Variants in ADGRL4 observed in about 807,000 individuals in gnomAD.
ADGRL4 encodes the protein EGF, latrophilin and seven transmembrane domain containing 1.
Under a neutral mutation model 74.8 loss-of-function variants are expected in ADGRL4, and 90 were observed. The ratio of observed to expected loss-of-function variants is 1.20; its 90% CI spans 1.02 to 1.43. The LOEUF (loss-of-function observed/expected upper bound fraction) is 1.43, where lower values mean the gene tolerates loss of function less well. Among genes scored for constraint, ADGRL4 ranks in the 40% most tolerant of loss-of-function variants. ADGRL4 has a pLI of 0.00. For synonymous variants in ADGRL4, 311 were observed against 279.2 expected, an observed-to-expected ratio of 1.11 and a Z score of -1.14; for missense variants, 881 against 814.3, an observed-to-expected ratio of 1.08 and a Z score of -1.00.
chr1:78,945,647 A>T (rs1308436334), intron 3 of ADGRL4, among the ~76,000 whole-genome samples: 1 of 152,078 alleles, frequency 6.6e-6, no homozygotes, highest in African/African-American at 2.4e-5. Context: ...TTGTCTAGGT[A>T]CTCCCTTCAG....
At chr1:78,953,713 T>C (rs977258725) in intron 2 of ADGRL4, among the ~76,000 whole-genome samples, 5 of 152,232 alleles carry the variant, frequency 3.3e-5, no homozygotes, top group Admixed American at 3.3e-4. Context: ...TAGGGGAAGA[T>C]TAGATGGAGA....
intron 7 of ADGRL4, among the ~76,000 whole-genome samples, chr1:78,931,462 A>C (rs1329306434): frequency 2.0e-5 from 3 of 151,426 alleles, no homozygotes; most frequent in Non-Finnish European, 2.9e-5. Flanking sequence ...AACTGGTTCC[A>C]GACACTGCAA....
intron 12 of ADGRL4, among the ~76,000 whole-genome samples, chr1:78,897,878 T>C (rs1648430851): frequency 1.3e-5 from 2 of 152,172 alleles, no homozygotes; most frequent in South Asian, 4.1e-4. Flanking sequence ...TACTCGTTTA[T>C]ATTTTCTGTG....
intron 12 of ADGRL4, among the ~76,000 whole-genome samples, chr1:78,911,749 T>A (rs984567578): frequency 6.6e-5 from 10 of 152,024 alleles, no homozygotes; most frequent in African/African-American, 2.4e-4. Flanking sequence ...GGTATAGGAA[T>A]GCCATAAGAT....
At chr1:78,906,622 TTTC>T (rs1648643803) in intron 12 of ADGRL4, among the ~76,000 whole-genome samples, 1 of 152,032 alleles carries the variant, frequency 6.6e-6, no homozygotes, top group Non-Finnish European at 1.5e-5. Flanking sequence ...TAATGAACTA[TTTC>T]TTCTTAAGAT....
chr1:78,977,753 C>A (rs1042659144), intron 2 of ADGRL4, among the ~76,000 whole-genome samples: 2 of 151,570 alleles, frequency 1.3e-5, no homozygotes, highest in African/African-American at 4.8e-5. Context: ...TCATCTGGCA[C>A]TACCAGAACC....
intron 12 of ADGRL4, among the ~76,000 whole-genome samples, chr1:78,914,770 G>T (rs576994652): frequency 6.6e-6 from 1 of 151,678 alleles, no homozygotes; most frequent in Non-Finnish European, 1.5e-5. Context: ...TTGAGTAGGG[G>T]CAGAGTGGTT....
chr1:78,957,041 T>C (rs1391206279), intron 2 of ADGRL4, among the ~76,000 whole-genome samples: 2 of 152,148 alleles, frequency 1.3e-5, no homozygotes, highest in Admixed American at 1.3e-4. Flanking sequence ...AATATGTGAT[T>C]AGTGTTCTTT....
At chr1:79,003,409 G>C (rs932972708) in intron 2 of ADGRL4, among the ~76,000 whole-genome samples, 10 of 151,444 alleles carry the variant, frequency 6.6e-5, no homozygotes, top group African/African-American at 2.4e-4. Context: ...AACAGAAAGG[G>C]AATTTAAGTT....
intron 2 of ADGRL4, among the ~76,000 whole-genome samples, chr1:78,958,945 A>T (rs143365915): frequency 9.5e-4 from 145 of 152,300 alleles, no homozygotes; most frequent in African/African-American, 3.3e-3. Context: ...TCAGCAGCCA[A>T]CATCAAAGCA....
At chr1:78,906,770 A>C (rs1648650635) in intron 12 of ADGRL4, among the ~76,000 whole-genome samples, 1 of 152,024 alleles carries the variant, frequency 6.6e-6, no homozygotes, top group African/African-American at 2.4e-5. Context: ...ATAAATTTAT[A>C]TAAGTTGCTC....
chr1:78,898,462 A>T (rs1248194489), intron 12 of ADGRL4, among the ~76,000 whole-genome samples: 1 of 152,008 alleles, frequency 6.6e-6, no homozygotes, highest in Non-Finnish European at 1.5e-5. Context: ...AGCACCAGGG[A>T]TAACTAATGA....
chr1:78,999,788 ATATCTATCTATCTATCTATC>A (rs67005634), intron 2 of ADGRL4, among the ~76,000 whole-genome samples: 4 of 141,664 alleles, frequency 2.8e-5, no homozygotes, highest in Admixed American at 7.1e-5. Context: ...ATCTATAGTT[ATATCTATCTATCTATCTATC>A]TATCTATCTA....
intron 3 of ADGRL4, among the ~76,000 whole-genome samples, chr1:78,944,797 C>CT (rs1464109544): frequency 2.6e-5 from 4 of 151,988 alleles, no homozygotes; most frequent in Non-Finnish European, 4.4e-5. Context: ...TAAAATATTC[C>CT]TTTTTTACAT....
At chr1:78,974,863 A>G (rs1650245348) in intron 2 of ADGRL4, among the ~76,000 whole-genome samples, 1 of 152,168 alleles carries the variant, frequency 6.6e-6, no homozygotes, top group Admixed American at 6.6e-5. Flanking sequence ...ATTCAGGATA[A>G]TCGACTATTT....
intron 2 of ADGRL4, among the ~76,000 whole-genome samples, chr1:78,957,401 G>A (rs1649858139): frequency 6.6e-6 from 1 of 152,146 alleles, no homozygotes; most frequent in Non-Finnish European, 1.5e-5. Context: ...TGAATGCAGA[G>A]GAAAAGCTCT....
chr1:78,965,702 C>T (rs1248725584), intron 2 of ADGRL4, among the ~76,000 whole-genome samples: 6 of 152,128 alleles, frequency 3.9e-5, no homozygotes, highest in Admixed American at 1.3e-4. Context: ...CTATTATGTT[C>T]TAGGCCAGTA....
intron 12 of ADGRL4, among the ~76,000 whole-genome samples, chr1:78,916,788 C>G (rs1648881227): frequency 1.3e-5 from 2 of 151,756 alleles, no homozygotes; most frequent in African/African-American, 2.4e-5. Context: ...CAAAGTTGTC[C>G]AAAATATTGC....
At chr1:78,930,597 C>T (rs548169006) in intron 7 of ADGRL4, among the ~76,000 whole-genome samples, 56 of 150,826 alleles carry the variant, frequency 3.7e-4, no homozygotes, top group Non-Finnish European at 8.1e-4. Flanking sequence ...ATTACAGGCA[C>T]CCACCATCAC....
Sources: gnomAD v4.1 joint callset for allele counts (sites outside exome capture counted in the v4.1 genomes callset) on GRCh38, gnomAD v4.1.1 for gene constraint, MANE v1.5 for transcripts, NCBI Gene and HGNC (gene_info 2026-07-23, HGNC 2026-07-21) for gene names.